The following DPPA2 variants were observed in gnomAD, a reference collection of about 807,000 sequenced individuals.
DPPA2 encodes developmental pluripotency associated 2, also known as developmental pluripotency-associated protein 2.
Under a neutral mutation model 36.2 loss-of-function variants are expected in DPPA2, and 26 were observed. The observed-to-expected ratio is 0.72, with a 90% CI of 0.53 to 1.00. The LOEUF (loss-of-function observed/expected upper bound fraction) is 1.00. Among genes scored for constraint, DPPA2 ranks in the 50% least tolerant of loss-of-function variants. The pLI, the probability that DPPA2 is intolerant of heterozygous loss-of-function variation, is 0.00. For synonymous variants in DPPA2, 113 were observed against 123.2 expected, an observed-to-expected ratio of 0.92 and a Z score of 0.55; for missense variants, 361 against 365.1, an observed-to-expected ratio of 0.99 and a Z score of 0.09.
Position 109,316,500 on chromosome 3 carries a change from G to A in DPPA2, c.-230C>T, listed in dbSNP as rs1198286682. The A allele has an allele frequency of 6.6e-6, 1 of 152,234 alleles. No homozygotes were observed. The highest frequency in any genetic ancestry group is 1.5e-5 in the Non-Finnish European group (1 of 68,114). The allele number at this position is 152,234 out of a possible 1,614,324, so 9.4% of individuals were successfully genotyped here. ...AAGTCTAGAAGCCTTAGCTAGATCA[G>A]GCCATAAACAAAGGGCTTTGGAGAC... is the stretch of plus-strand genomic sequence containing the variant. On this transcript the variant is annotated 5_prime_UTR_variant, in exon 1 of 9. Coordinates refer to ENST00000478945, the MANE Select transcript of DPPA2 (RefSeq NM_138815.4).
At chr3:109,314,012 C>A (rs769880872) in intron 2 of DPPA2, among the ~76,000 whole-genome samples, 35 of 152,078 alleles carry the variant, frequency 2.3e-4, no homozygotes, top group Non-Finnish European at 5.0e-4. Flanking sequence ...TCTTGAAACT[C>A]ATTTGGTACC....
At chr3:109,303,126 A>T (rs914198865) in intron 7 of DPPA2, among the ~76,000 whole-genome samples, 18 of 152,176 alleles carry the variant, frequency 1.2e-4, no homozygotes, top group Admixed American at 4.6e-4. Context: ...ACAGGGTTTC[A>T]CCATGTTGGC....
chr3:109,300,359 C>G lies in DPPA2; in HGVS notation c.*22+12G>C. 1 of 1,602,438 alleles carries G rather than the reference C, an allele frequency of 6.2e-7. No individual in the cohort carries two copies. The highest frequency in any genetic ancestry group is 8.5e-7 in the Non-Finnish European group (1 of 1,170,170). On this transcript the variant is annotated intron_variant, in intron 8 of 8. Transcript: ENST00000478945. ...AATACTTATTTTGAGGTGGCATATT[C>G]TCATCTCTTACATTGTATTCAAACA...
At chr3:109,308,994 A>C (rs762311820) in intron 5 of DPPA2, 32 bp downstream of exon 5, 1 of 1,613,884 alleles carries the variant, frequency 6.2e-7, no homozygotes. Context: ...ATCAGAACCC[A>C]CCTTCACACC....
chr3:109,299,370 T>C (rs1376926344), intron 8 of DPPA2, among the ~76,000 whole-genome samples: 4 of 151,592 alleles, frequency 2.6e-5, no homozygotes, highest in South Asian at 2.1e-4. Flanking sequence ...ATTAGCCGGG[T>C]GTGGTGGCAC....
intron 7 of DPPA2, among the ~76,000 whole-genome samples, chr3:109,303,024 TC>T (rs1255398190): frequency 1.3e-5 from 2 of 152,148 alleles, no homozygotes; most frequent in African/African-American, 4.8e-5. Context: ...GCTCCTCCAC[TC>T]CCCAAACTCA....
At chr3:109,298,248 C>T (rs546522014) in intron 8 of DPPA2, among the ~76,000 whole-genome samples, 2 of 152,176 alleles carry the variant, frequency 1.3e-5, no homozygotes, top group South Asian at 2.1e-4. Context: ...ATGTACAACA[C>T]GAATAATAAA....
At chr3:109,311,920 G>A (rs1707716825) in intron 3 of DPPA2, among the ~76,000 whole-genome samples, 1 of 152,188 alleles carries the variant, frequency 6.6e-6, no homozygotes, top group Non-Finnish European at 1.5e-5. Context: ...AGGCAAATAT[G>A]TATTCATCTC....
At chr3:109,302,621 T>C (rs1045280338) in intron 7 of DPPA2, among the ~76,000 whole-genome samples, 1 of 152,014 alleles carries the variant, frequency 6.6e-6, no homozygotes. Context: ...GCCCAGCTAA[T>C]TTTTGTGTTT....
At position 109,316,441 on chromosome 3, in the gene DPPA2, A is replaced by G. The variant is rs533991626; in HGVS notation, c.-171T>C. The G allele has an allele frequency of 6.6e-6, 1 of 152,536 alleles. No individual in the cohort carries two copies. The highest frequency in any genetic ancestry group is 1.5e-5 in the Non-Finnish European group (1 of 68,320). 9.4% of individuals were successfully genotyped at this position (152,536 alleles called of 1,614,324 possible). A position where few individuals can be genotyped will look rare whatever the true frequency, so the allele number is the denominator to read the frequency against. ...GGTGGGACTACAGGCCTGCACCGCCACGCCCAGCCCTCCGGACGATTCTTA... is the reference window on the plus strand; with the variant it reads ...GGTGGGACTACAGGCCTGCACCGCCGCGCCCAGCCCTCCGGACGATTCTTA... On this transcript the variant is annotated 5_prime_UTR_variant, in exon 1 of 9. Coordinates refer to ENST00000478945, the MANE Select transcript of DPPA2 (RefSeq NM_138815.4).
intron 1 of DPPA2, 117 bp from the exon 2 acceptor site, chr3:109,314,672 T>C: frequency 1.1e-6 from 1 of 950,028 alleles, no homozygotes; most frequent in Non-Finnish European, 1.5e-6. Flanking sequence ...TGAGCTCTTG[T>C]TTTCCTTTCC....
intron 7 of DPPA2, among the ~76,000 whole-genome samples, chr3:109,300,856 G>A (rs1707446187): frequency 6.6e-6 from 1 of 150,684 alleles, no homozygotes; most frequent in African/African-American, 2.4e-5. Flanking sequence ...TGCACTTCTG[G>A]AGTTCCTGAG....
At chr3:109,305,619 A>T (rs2107311297) in intron 6 of DPPA2, among the ~76,000 whole-genome samples, 1 of 152,050 alleles carries the variant, frequency 6.6e-6, no homozygotes, top group Non-Finnish European at 1.5e-5. Flanking sequence ...TACTAAAAAT[A>T]CAAAATTAGC....
intron 3 of DPPA2, among the ~76,000 whole-genome samples, chr3:109,310,401 C>G (rs1243568743): frequency 5.9e-5 from 5 of 85,430 alleles, no homozygotes; most frequent in Admixed American, 1.3e-4. Context: ...CAGTGAGACT[C>G]TGTCTCAAAA....
intron 7 of DPPA2, among the ~76,000 whole-genome samples, chr3:109,302,904 T>C (rs1209958104): frequency 6.6e-6 from 1 of 152,100 alleles, no homozygotes; most frequent in Admixed American, 6.6e-5. Flanking sequence ...ATGTATATTT[T>C]CCTGGAGAGC....
At chr3:109,308,902 C>A (rs1707634574) in intron 5 of DPPA2, 124 bp downstream of exon 5, 2 of 1,184,080 alleles carry the variant, frequency 1.7e-6, no homozygotes, top group Non-Finnish European at 2.4e-6. Flanking sequence ...TCCGAAATAT[C>A]AATAATGCCA....
chr3:109,309,639 A>G (rs1334957024), intron 3 of DPPA2, among the ~76,000 whole-genome samples: 1 of 151,972 alleles, frequency 6.6e-6, no homozygotes, highest in Non-Finnish European at 1.5e-5. Context: ...GCAGTGAGCC[A>G]AGATCATGCC....
intron 3 of DPPA2, 76 bp from the exon 4 acceptor site, chr3:109,309,406 G>A: frequency 6.5e-7 from 1 of 1,535,492 alleles, no homozygotes; most frequent in Non-Finnish European, 8.9e-7. Flanking sequence ...AAAGATCTAG[G>A]GTCGGGCACG....
At chr3:109,305,120 T>A (rs1398757164) in intron 6 of DPPA2, among the ~76,000 whole-genome samples, 1 of 152,062 alleles carries the variant, frequency 6.6e-6, no homozygotes, top group Non-Finnish European at 1.5e-5. Flanking sequence ...CACTCCAGCC[T>A]GGGTGACAAG....
Sources: gnomAD v4.1 joint callset for allele counts (sites outside exome capture counted in the v4.1 genomes callset) on GRCh38, gnomAD v4.1.1 for gene constraint, MANE v1.5 for transcripts, NCBI Gene and HGNC (gene_info 2026-07-23, HGNC 2026-07-21) for gene names.